Variants in MSGN1 observed in about 807,000 individuals in gnomAD.
MSGN1 encodes the protein mesogenin-1.
MSGN1 carries 3 observed loss-of-function variants against 10.1 expected under a neutral mutation model. The ratio of observed to expected loss-of-function variants is 0.30; its 90% CI spans 0.13 to 0.76. The LOEUF is 0.76. Among genes scored for constraint, MSGN1 ranks in the 30% least tolerant of loss-of-function variants. The probability of loss-of-function intolerance (pLI) is 0.67; values close to 1 mark genes in which losing one functional copy is unlikely to be tolerated. For missense variants in MSGN1, 244 were observed against 244.5 expected, an observed-to-expected ratio of 1.00 and a Z score of 0.01; for synonymous variants, 110 against 103.8, an observed-to-expected ratio of 1.06 and a Z score of -0.37.
At position 17,817,086 on chromosome 2, in the gene MSGN1, G is replaced by GCCCAGAA; in HGVS notation, c.574_575insACCCAGA (p.Ser192AsnfsTer12). On this transcript the variant is annotated frameshift_variant, in exon 1 of 1. Transcript: ENST00000281047. LOFTEE classifies it high-confidence loss of function. ...CCTTAACCGCGGCAGAGAGCCCAGA[G>GCCCAGAA]CCCAGAGCGCGTGAGCTCCATCCGG... 6.2e-7 allele frequency: 1 copy of GCCCAGAA among 1,613,284 alleles called. No individual in the cohort carries two copies. The highest frequency in any genetic ancestry group is 8.5e-7 in the Non-Finnish European group (1 of 1,179,384).
At position 17,816,730 on chromosome 2, in the gene MSGN1, A is replaced by T. The variant is rs779703784; in HGVS notation, c.212A>T (p.His71Leu). 6.2e-7 allele frequency: 1 copy of T among 1,613,778 alleles called. No individual in the cohort carries two copies. The highest frequency in any genetic ancestry group is 1.3e-5 in the African/African-American group (1 of 74,900). ...GCTGTGGCTGGGCTGCCCTGTGAGC[A>T]CGGCGGGGCCAGCAGTGGGGGCAGC... ...CPAVAGLPCE[H>L]GGASSGGSEG... Residue 71 changes from histidine (H) to leucine (L), a missense_variant, in exon 1 of 1, where the codon CAC becomes CTC. Physicochemically the swap from His to Leu is moderately conservative, Grantham distance 99. Coordinates refer to ENST00000281047, the MANE Select transcript of MSGN1 (RefSeq NM_001105569.3).
rs906973588 is a variant in MSGN1 at position 17,817,258 on chromosome 2, T to C, written c.*158T>C. Among the ~76,000 whole-genome samples the C allele has an allele frequency of 2.6e-5, 4 of 152,204 alleles. No homozygotes were observed. Among genetic ancestry groups the C allele is most frequent in the African/African-American group, 9.6e-5 (4 of 41,458 alleles). ...CTGAAAAACCCTAAGGGAATTCACA[T>C]GTAACCTGTTGGACCCACCAGAACA... is the stretch of plus-strand genomic sequence containing the variant. On this transcript the variant is annotated 3_prime_UTR_variant, in exon 1 of 1. Coordinates refer to ENST00000281047, the MANE Select transcript of MSGN1 (RefSeq NM_001105569.3).
At position 17,816,560 on chromosome 2, in the gene MSGN1, C is replaced by G; in HGVS notation, c.42C>G (p.Gly14=). The change falls in exon 1 of 1, where the codon GGC becomes GGG. Residue 14 remains glycine (G), a synonymous_variant. Transcript: ENST00000281047. ...AGACTTTCCTCAGCCTCGAGGATGG[C>G]TTGGGCTCCTCTGACAGCCCTGGCC... ...LRETFLSLED[G]LGSSDSPGLL... 1 of 1,609,020 alleles carries G rather than the reference C, an allele frequency of 6.2e-7. No individual in the cohort carries two copies. The highest frequency in any genetic ancestry group is 8.5e-7 in the Non-Finnish European group (1 of 1,176,266).
In MSGN1 at chr2:17,817,068, C is replaced by T. The variant is rs781389970; in HGVS notation, c.550C>T (p.Arg184Cys). 9.9e-6 allele frequency: 16 copies of T among 1,613,518 alleles called. 1 individual carries two copies. The highest frequency in any genetic ancestry group is 2.7e-5 in the African/African-American group (2 of 74,922). ...YIGELTDLLN[R>C]GREPRAQSA Reference sequence around the variant, plus strand: ...CGGGGAACTCACAGACCTCCTTAACCGCGGCAGAGAGCCCAGAGCCCAGAG... The same window carrying T: ...CGGGGAACTCACAGACCTCCTTAACTGCGGCAGAGAGCCCAGAGCCCAGAG... The change falls in exon 1 of 1, where the codon CGC becomes TGC. Residue 184 changes from arginine to cysteine, a missense_variant. Arg to Cys is a radical substitution (Grantham distance 180). Transcript: ENST00000281047.
In MSGN1 at chr2:17,816,475, C is replaced by G. The variant is rs1558427606; in HGVS notation, c.-44C>G. ...CTGGCCAGGCGGCAGAATTTTCTTT[C>G]TCACTTGCCAGGGAGCCATTCCTTC... On this transcript the variant is annotated 5_prime_UTR_variant, in exon 1 of 1. Coordinates refer to ENST00000281047, the MANE Select transcript of MSGN1 (RefSeq NM_001105569.3). 3 of 1,491,888 alleles carry G rather than the reference C, an allele frequency of 2.0e-6. No individual in the cohort carries two copies. The highest frequency in any genetic ancestry group is 2.7e-6 in the Non-Finnish European group (3 of 1,113,992). 92.4% of individuals were successfully genotyped at this position (1,491,888 alleles called of 1,614,324 possible). A position where few individuals can be genotyped will look rare whatever the true frequency, so the allele number is the denominator to read the frequency against.
In MSGN1 at chr2:17,816,554, GGATGGCT is replaced by G; in HGVS notation, c.37_43del (p.Asp13TrpfsTer24). ...TGCGCGAGACTTTCCTCAGCCTCGA[GGATGGCT>G]TGGGCTCCTCTGACAGCCCTGGCCT... On this transcript the variant is annotated frameshift_variant, in exon 1 of 1. Transcript: ENST00000281047. LOFTEE classifies it high-confidence loss of function. The G allele has an allele frequency of 1.9e-6, 3 of 1,603,056 alleles. No homozygotes were observed. The highest frequency in any genetic ancestry group is 2.6e-6 in the Non-Finnish European group (3 of 1,171,766).
In MSGN1 at chr2:17,817,163, C is replaced by A; in HGVS notation, c.*63C>A. 1 of 1,305,968 alleles carries A rather than the reference C, an allele frequency of 7.7e-7. No homozygotes were observed. The highest frequency in any genetic ancestry group is 1.1e-6 in the Non-Finnish European group (1 of 930,566). The allele number at this position is 1,305,968 out of a possible 1,614,324, so 80.9% of individuals were successfully genotyped here. On this transcript the variant is annotated 3_prime_UTR_variant, in exon 1 of 1. Transcript: ENST00000281047. ...AGCAGGAGTAGAGGAGTTTTGAAGA[C>A]CTGGATATCTTATTGAACAATGATC...
chr2:17,817,476 C>A lies in MSGN1; in HGVS notation c.*376C>A, dbSNP rs958430150. Among the ~76,000 whole-genome samples, 10 of 152,150 alleles carry A rather than the reference C, an allele frequency of 6.6e-5. No individual in the cohort carries two copies. Among genetic ancestry groups the A allele is most frequent in the African/African-American group, 2.4e-4 (10 of 41,420 alleles). ...TCTCTTGCCATTTTGGCGTTGAGAC[C>A]TTTTCTTCTGTTGCTAACAAAACCT... On this transcript the variant is annotated 3_prime_UTR_variant, in exon 1 of 1. Transcript: ENST00000281047.
chr2:17,816,564 G>T lies in MSGN1; in HGVS notation c.46G>T (p.Gly16Cys). ...TTTCCTCAGCCTCGAGGATGGCTTG[G>T]GCTCCTCTGACAGCCCTGGCCTGCT... Reference protein sequence around the residue: ...ETFLSLEDGLGSSDSPGLLSS... With the variant: ...ETFLSLEDGLCSSDSPGLLSS... Residue 16 changes from glycine (G) to cysteine (C), a missense_variant, in exon 1 of 1, where the codon GGC (glycine) becomes TGC (cysteine). Transcript: ENST00000281047. The T allele has an allele frequency of 1.9e-6, 3 of 1,609,800 alleles. No homozygotes were observed. The highest frequency in any genetic ancestry group is 2.5e-6 in the Non-Finnish European group (3 of 1,176,834).
chr2:17,816,877 G>A lies in MSGN1; in HGVS notation c.359G>A (p.Arg120Lys), dbSNP rs981143103. 1 of 1,614,240 alleles carries A rather than the reference G, an allele frequency of 6.2e-7. No homozygotes were observed. Among genetic ancestry groups the A allele is most frequent in the Non-Finnish European group, 8.5e-7 (1 of 1,180,036 alleles). The change falls in exon 1 of 1, where the codon AGG becomes AAG. Residue 120 changes from arginine to lysine, a missense_variant. Coordinates refer to ENST00000281047, the MANE Select transcript of MSGN1 (RefSeq NM_001105569.3). ...AAGGCCCAGAAGGGCACCAAAGTCA[G>A]GATGTCTGTCCAGCGGAGGCGGAAA... Reference protein sequence around the residue: ...GPKAQKGTKVRMSVQRRRKAS... With the variant: ...GPKAQKGTKVKMSVQRRRKAS...
chr2:17,816,891 C>T lies in MSGN1; in HGVS notation c.373C>T (p.Arg125Trp). ...KGTKVRMSVQ[R>W]RRKASEREKL... ...CACCAAAGTCAGGATGTCTGTCCAG[C>T]GGAGGCGGAAAGCCAGCGAGAGGGA... is the stretch of plus-strand genomic sequence containing the variant. Residue 125 changes from arginine (R) to tryptophan (W), a missense_variant, in exon 1 of 1, where the codon CGG becomes TGG. Arg to Trp is a moderately radical substitution (Grantham distance 101). Coordinates refer to ENST00000281047, the MANE Select transcript of MSGN1 (RefSeq NM_001105569.3). 1.2e-6 allele frequency: 2 copies of T among 1,614,218 alleles called. No individual in the cohort carries two copies. The highest frequency in any genetic ancestry group is 1.3e-5 in the African/African-American group (1 of 75,068).
In MSGN1 at chr2:17,816,545, C is replaced by G. The variant is rs368809664; in HGVS notation, c.27C>G (p.Leu9=). 8.5e-5 allele frequency: 135 copies of G among 1,595,946 alleles called. No homozygotes were observed. Among genetic ancestry groups the G allele is most frequent in the Non-Finnish European group, 1.1e-4 (132 of 1,167,320 alleles). Residue 9 remains leucine (L), a synonymous_variant, in exon 1 of 1, where the codon CTC becomes CTG. Coordinates refer to ENST00000281047, the MANE Select transcript of MSGN1 (RefSeq NM_001105569.3). ...TGGACAACCTGCGCGAGACTTTCCT[C>G]AGCCTCGAGGATGGCTTGGGCTCCT... The part of the protein sequence containing the change: MDNLRETF[L]SLEDGLGSSD...
chr2:17,816,723 T>C lies in MSGN1; in HGVS notation c.205T>C (p.Cys69Arg), dbSNP rs2125208504. ...CTGTCCAGCTGTGGCTGGGCTGCCC[T>C]GTGAGCACGGCGGGGCCAGCAGTGG... ...SPCPAVAGLP[C>R]EHGGASSGGS... The change falls in exon 1 of 1, where the codon TGT (cysteine) becomes CGT (arginine). Residue 69 changes from cysteine (C) to arginine (R), a missense_variant. Cys to Arg is a radical substitution (Grantham distance 180). Transcript: ENST00000281047. 5.0e-6 allele frequency: 8 copies of C among 1,614,126 alleles called. No homozygotes were observed. The highest frequency in any genetic ancestry group is 2.2e-5 in the East Asian group (1 of 44,874).
At position 17,816,539 on chromosome 2, in the gene MSGN1, TTTCCTCAGC is replaced by T; in HGVS notation, c.22_30del (p.Phe8_Ser10del). On this transcript the variant is annotated inframe_deletion, in exon 1 of 1. Transcript: ENST00000281047. Reference sequence around the variant, plus strand: ...CAGGCATGGACAACCTGCGCGAGACTTTCCTCAGCCTCGAGGATGGCTTGGGCTCCTCTG... The same window carrying T: ...CAGGCATGGACAACCTGCGCGAGACTCTCGAGGATGGCTTGGGCTCCTCTG... The T allele has an allele frequency of 3.1e-6, 5 of 1,593,444 alleles. No homozygotes were observed. Among genetic ancestry groups the T allele is most frequent in the Admixed American group, 1.7e-5 (1 of 57,660 alleles).
rs768428754 is a variant in MSGN1 at position 17,816,647 on chromosome 2, C to G, written c.129C>G (p.Pro43=). 7.1e-5 allele frequency: 115 copies of G among 1,614,154 alleles called. 2 individuals carry two copies. In the South Asian group the frequency reaches 1.2e-3, roughly 17 times the overall value. Residue 43 remains proline, a synonymous_variant, in exon 1 of 1, where the codon CCC becomes CCG. Coordinates refer to ENST00000281047, the MANE Select transcript of MSGN1 (RefSeq NM_001105569.3). ...AGPFELNQAS[P]SQSLSPAPSL... ...CCTTTGAGCTGAATCAGGCCTCCCC[C>G]TCTCAGAGCCTTTCCCCGGCTCCAT... is the stretch of plus-strand genomic sequence containing the variant.
Position 17,816,550 on chromosome 2 carries a change from T to C in MSGN1, c.32T>C (p.Leu11Pro). 1 of 1,602,504 alleles carries C rather than the reference T, an allele frequency of 6.2e-7. No homozygotes were observed. The change falls in exon 1 of 1, where the codon CTC (leucine) becomes CCC (proline). Residue 11 changes from leucine to proline, a missense_variant. By Grantham distance (98) the Leu-to-Pro change is moderately conservative. Coordinates refer to ENST00000281047, the MANE Select transcript of MSGN1 (RefSeq NM_001105569.3). MDNLRETFLS[L>P]EDGLGSSDSP... ...AACCTGCGCGAGACTTTCCTCAGCC[T>C]CGAGGATGGCTTGGGCTCCTCTGAC...
rs1437559461 is a variant in MSGN1 at position 17,817,256 on chromosome 2, C to T, written c.*156C>T. Among the ~76,000 whole-genome samples the T allele has an allele frequency of 6.6e-6, 1 of 152,212 alleles. No individual in the cohort carries two copies. The highest frequency in any genetic ancestry group is 2.4e-5 in the African/African-American group (1 of 41,462). Reference sequence around the variant, plus strand: ...ATCTGAAAAACCCTAAGGGAATTCACATGTAACCTGTTGGACCCACCAGAA... The same window carrying T: ...ATCTGAAAAACCCTAAGGGAATTCATATGTAACCTGTTGGACCCACCAGAA... On this transcript the variant is annotated 3_prime_UTR_variant, in exon 1 of 1. Coordinates refer to ENST00000281047, the MANE Select transcript of MSGN1 (RefSeq NM_001105569.3).
In MSGN1 at chr2:17,816,564, G is replaced by GTC; in HGVS notation, c.46_47insTC (p.Gly16ValfsTer24). On this transcript the variant is annotated frameshift_variant, in exon 1 of 1. Transcript: ENST00000281047. LOFTEE classifies it high-confidence loss of function. Reference sequence around the variant, plus strand: ...TTTCCTCAGCCTCGAGGATGGCTTGGGCTCCTCTGACAGCCCTGGCCTGCT... The same window carrying GTC: ...TTTCCTCAGCCTCGAGGATGGCTTGGTCGCTCCTCTGACAGCCCTGGCCTGCT... The GTC allele has an allele frequency of 2.5e-6, 4 of 1,609,780 alleles. No homozygotes were observed. Among genetic ancestry groups the GTC allele is most frequent in the Admixed American group, 1.7e-5 (1 of 59,702 alleles).
In MSGN1 at chr2:17,816,674, G is replaced by T. The variant is rs772451330; in HGVS notation, c.156G>T (p.Ser52=). The T allele has an allele frequency of 6.2e-7, 1 of 1,614,230 alleles. No individual in the cohort carries two copies. The highest frequency in any genetic ancestry group is 2.2e-5 in the East Asian group (1 of 44,892). ...SPSQSLSPAP[S]LESYSSSPCP... ...CTCAGAGCCTTTCCCCGGCTCCATC[G>T]CTGGAATCCTATTCTTCTTCTCCCT... The change falls in exon 1 of 1, where the codon TCG becomes TCT. Residue 52 remains serine, a synonymous_variant. Coordinates refer to ENST00000281047, the MANE Select transcript of MSGN1 (RefSeq NM_001105569.3).
Sources: gnomAD v4.1 joint callset for allele counts (sites outside exome capture counted in the v4.1 genomes callset) on GRCh38, gnomAD v4.1.1 for gene constraint, MANE v1.5 for transcripts, NCBI Gene and HGNC (gene_info 2026-07-23, HGNC 2026-07-21) for gene names.